Variants in LYPD6 observed in about 807,000 individuals in gnomAD.
LYPD6 encodes LY6/PLAUR domain containing 6, also known as ly6/PLAUR domain-containing protein 6.
In LYPD6, 15 loss-of-function variants were observed where a neutral mutation model predicts 22.7. The observed-to-expected ratio is 0.66, with a 90% CI of 0.44 to 1.02. The LOEUF (loss-of-function observed/expected upper bound fraction) is 1.02. Among genes scored for constraint, LYPD6 ranks in the 50% least tolerant of loss-of-function variants. The pLI is 0.00. For missense variants in LYPD6, 189 were observed against 208.4 expected, an observed-to-expected ratio of 0.91 and a Z score of 0.57; for synonymous variants, 72 against 77.5, an observed-to-expected ratio of 0.93 and a Z score of 0.37.
chr2:149,348,882 G>C (rs1320620993), intron 1 of LYPD6, among the ~76,000 whole-genome samples: 2 of 152,062 alleles, frequency 1.3e-5, no homozygotes, highest in Non-Finnish European at 2.9e-5. Flanking sequence ...GGTTGCAGTG[G>C]AGATGCTGAA....
intron 1 of LYPD6, among the ~76,000 whole-genome samples, chr2:149,385,577 T>C (rs1248567436): frequency 2.0e-5 from 3 of 152,226 alleles, no homozygotes; most frequent in Non-Finnish European, 4.4e-5. Flanking sequence ...TTTCTGGGAC[T>C]GAAATGACCA....
chr2:149,423,960 C>A (rs893973683), intron 1 of LYPD6, among the ~76,000 whole-genome samples: 1 of 148,296 alleles, frequency 6.7e-6, no homozygotes, highest in Non-Finnish European at 1.5e-5. Context: ...GGGACAGAAC[C>A]CTTTGCTGGT....
At chr2:149,477,544 A>C (rs1424540492), downstream of LYPD6, among the ~76,000 whole-genome samples, 1 of 149,540 alleles carries the variant, frequency 6.7e-6, no homozygotes, top group African/African-American at 2.5e-5. Flanking sequence ...AATCGCTTGA[A>C]TCTGGGAGGC....
At chr2:149,357,337 G>A (rs1681468072) in intron 1 of LYPD6, among the ~76,000 whole-genome samples, 1 of 151,532 alleles carries the variant, frequency 6.6e-6, no homozygotes, top group Admixed American at 6.5e-5. Context: ...GATTGAGGGA[G>A]GATTTGGACA....
intron 3 of LYPD6, among the ~76,000 whole-genome samples, chr2:149,459,716 G>A (rs1681044845): frequency 6.6e-6 from 1 of 152,002 alleles, no homozygotes; most frequent in Non-Finnish European, 1.5e-5. Context: ...AGCCTGATCA[G>A]GTTGATGAAA....
intron 1 of LYPD6, among the ~76,000 whole-genome samples, chr2:149,342,127 C>CT (rs1469238761): frequency 1.3e-5 from 2 of 152,166 alleles, no homozygotes; most frequent in Admixed American, 1.3e-4. Flanking sequence ...AAAACAGACT[C>CT]TAAGCCCTGA....
At chr2:149,343,002 A>T (rs1681190297) in intron 1 of LYPD6, among the ~76,000 whole-genome samples, 1 of 152,244 alleles carries the variant, frequency 6.6e-6, no homozygotes, top group Admixed American at 6.5e-5. Context: ...TAGCATTTTA[A>T]AGACATGTAC....
chr2:149,483,756 ATTAT>A, the LYPD6 span, among the ~76,000 whole-genome samples: 2 of 152,196 alleles, frequency 1.3e-5, no homozygotes, highest in Non-Finnish European at 2.9e-5. Context: ...AAATTATACA[ATTAT>A]TATTTGTCAA....
At position 149,393,380 on chromosome 2, in the gene LYPD6, G is replaced by A. The variant is rs754949306; in HGVS notation, c.-71-44258G>A. The stretch of plus-strand genomic sequence containing the variant: ...GGTCAGTGTGCTCATAAATGGCTTC[G>A]GGTGAGTGTGTGAATTAAAAGCTCC... On this transcript the variant is annotated intron_variant, in intron 1 of 4. Transcript: ENST00000334166. 1.9e-4 allele frequency among the ~76,000 whole-genome samples: 29 copies of A among 152,126 alleles called. 1 individual carries two copies. The highest frequency in any genetic ancestry group is 1.0e-3 in the Admixed American group (16 of 15,276).
At chr2:149,469,469 A>G (rs1196662) in intron 4 of LYPD6, among the ~76,000 whole-genome samples, 127,229 of 152,068 alleles carry the variant, frequency 0.84, 53,904 homozygotes, top group East Asian at 1. Context: ...AACATAGCAT[A>G]CTTTGGCCTT....
At chr2:149,465,536 A>C (rs1458606821) in intron 3 of LYPD6, among the ~76,000 whole-genome samples, 3 of 152,204 alleles carry the variant, frequency 2.0e-5, no homozygotes, top group Non-Finnish European at 2.9e-5. Flanking sequence ...TTGTGAAGAA[A>C]CTAAAACAAG....
At chr2:149,387,940 A>C (rs190596085) in intron 1 of LYPD6, among the ~76,000 whole-genome samples, 110 of 152,208 alleles carry the variant, frequency 7.2e-4, no homozygotes, top group Non-Finnish European at 1.2e-3. Flanking sequence ...AGCAGTTTTG[A>C]CTTCTAAGTA....
intron 1 of LYPD6, among the ~76,000 whole-genome samples, chr2:149,423,736 A>C (rs1030804459): frequency 8.1e-6 from 1 of 123,570 alleles, no homozygotes; most frequent in Non-Finnish European, 1.6e-5. Context: ...ACTAGTTAAT[A>C]GACGTTCATT....
intron 1 of LYPD6, among the ~76,000 whole-genome samples, chr2:149,348,368 C>T (rs1027809807): frequency 2.6e-5 from 4 of 151,838 alleles, no homozygotes; most frequent in South Asian, 2.1e-4. Context: ...GAAACTAAAG[C>T]GAGGAAGGGG....
intron 1 of LYPD6, among the ~76,000 whole-genome samples, chr2:149,335,260 C>T (rs1327617780): frequency 6.6e-6 from 1 of 151,982 alleles, no homozygotes; most frequent in Non-Finnish European, 1.5e-5. Context: ...GAAGACCTTC[C>T]AGTGGGACAA....
At chr2:149,371,662 C>T (rs114078957) in intron 1 of LYPD6, among the ~76,000 whole-genome samples, 3,306 of 152,260 alleles carry the variant, frequency 0.022, 55 homozygotes, top group Middle Eastern at 0.078. Context: ...TGCCTGGAAT[C>T]GTGTCGTCAG....
At chr2:149,405,432 G>C (rs1256103079) in intron 1 of LYPD6, among the ~76,000 whole-genome samples, 2 of 152,168 alleles carry the variant, frequency 1.3e-5, no homozygotes, top group Non-Finnish European at 2.9e-5. Flanking sequence ...GGTCTATTCA[G>C]GGATTCAACT....
Position 149,468,654 on chromosome 2 carries a change from A to G in LYPD6, c.227A>G (p.Tyr76Cys). The change falls in exon 4 of 5, where the codon TAC (tyrosine) becomes TGC (cysteine). Residue 76 changes from tyrosine to cysteine, a missense_variant. By Grantham distance (194) the Tyr-to-Cys change is radical. Transcript: ENST00000334166. ...PDIYCPRETRYCYTQHTMEVT... is the reference protein window; with the variant it reads ...PDIYCPRETRCCYTQHTMEVT... ...TTTTCTCTGTTGACAGAGACCAGATACTGCTACACTCAGCACACAATGGAA... is the reference window on the plus strand; with the variant it reads ...TTTTCTCTGTTGACAGAGACCAGATGCTGCTACACTCAGCACACAATGGAA... 1.2e-6 allele frequency: 2 copies of G among 1,612,776 alleles called. No homozygotes were observed. Among genetic ancestry groups the G allele is most frequent in the East Asian group, 2.2e-5 (1 of 44,846 alleles).
intron 3 of LYPD6, among the ~76,000 whole-genome samples, chr2:149,466,277 T>A (rs996147867): frequency 1.3e-5 from 2 of 152,200 alleles, no homozygotes; most frequent in Non-Finnish European, 2.9e-5. Context: ...TCAAAACTTC[T>A]TAAACCACAG....
Sources: gnomAD v4.1 joint callset for allele counts (sites outside exome capture counted in the v4.1 genomes callset) on GRCh38, gnomAD v4.1.1 for gene constraint, MANE v1.5 for transcripts, NCBI Gene and HGNC (gene_info 2026-07-23, HGNC 2026-07-21) for gene names.